The following PHAX variants were observed in gnomAD, a reference collection of about 807,000 sequenced individuals.
PHAX encodes the protein phosphorylated adaptor for RNA export, also known as phosphorylated adapter RNA export protein.
Under a neutral mutation model 41.6 loss-of-function variants are expected in PHAX, and 31 were observed. That is an observed-to-expected ratio of 0.75 (90% CI 0.56 to 1.01). The LOEUF is 1.01. PHAX is among the 50% of genes least tolerant of loss of function. The pLI is 0.00. For synonymous variants in PHAX, 175 were observed against 164.9 expected, an observed-to-expected ratio of 1.06 and a Z score of -0.47; for missense variants, 453 against 472.9, an observed-to-expected ratio of 0.96 and a Z score of 0.39.
intron 3 of PHAX, among the ~76,000 whole-genome samples, chr5:126,612,712 A>G (rs1337059870): frequency 6.6e-6 from 1 of 152,102 alleles, no homozygotes; most frequent in African/African-American, 2.4e-5. Context: ...AAAAAAGAAA[A>G]AGAAATGCAT....
At chr5:126,604,408 G>A (rs1328587480) in intron 2 of PHAX, among the ~76,000 whole-genome samples, 1 of 150,734 alleles carries the variant, frequency 6.6e-6, no homozygotes, top group Non-Finnish European at 1.5e-5. Flanking sequence ...GGGACCACAG[G>A]TATGCACCCC....
chr5:126,601,952 C>A (rs1479023870), intron 1 of PHAX, among the ~76,000 whole-genome samples: 1 of 152,174 alleles, frequency 6.6e-6, no homozygotes, highest in Non-Finnish European at 1.5e-5. Flanking sequence ...CAGGTGTGAA[C>A]CACGGCGCCC....
chr5:126,608,048 A>T (rs1465371006), intron 2 of PHAX, among the ~76,000 whole-genome samples: 1 of 152,150 alleles, frequency 6.6e-6, no homozygotes, highest in Non-Finnish European at 1.5e-5. Flanking sequence ...TTATTTTGAC[A>T]ATAGTGGACT....
intron 2 of PHAX, among the ~76,000 whole-genome samples, chr5:126,606,368 A>C (rs146133958): frequency 1.3e-5 from 2 of 151,660 alleles, no homozygotes; most frequent in African/African-American, 2.4e-5. Flanking sequence ...GCTAATTTTT[A>C]TATTTTTTAG....
intron 3 of PHAX, among the ~76,000 whole-genome samples, chr5:126,615,077 G>T (rs557438562): frequency 6.6e-6 from 1 of 151,656 alleles, no homozygotes; most frequent in Non-Finnish European, 1.5e-5. Context: ...TACACAAATG[G>T]TCATATACTA....
chr5:126,618,260 C>A (rs1361877234), intron 4 of PHAX, among the ~76,000 whole-genome samples: 1 of 151,862 alleles, frequency 6.6e-6, no homozygotes, highest in Non-Finnish European at 1.5e-5. Flanking sequence ...TTTCCTGTTC[C>A]ATGTGGAAAT....
intron 2 of PHAX, among the ~76,000 whole-genome samples, chr5:126,606,537 AGT>A (rs1275399577): frequency 6.6e-6 from 1 of 152,112 alleles, no homozygotes; most frequent in African/African-American, 2.4e-5. Flanking sequence ...ACATTTTTAT[AGT>A]GTGTGTATAT....
intron 3 of PHAX, among the ~76,000 whole-genome samples, chr5:126,615,446 C>G (rs753503456): frequency 1.3e-5 from 2 of 151,424 alleles, no homozygotes; most frequent in Non-Finnish European, 2.9e-5. Flanking sequence ...TTTCAGCTTC[C>G]ATACTATAAA....
intron 4 of PHAX, among the ~76,000 whole-genome samples, chr5:126,620,299 CCT>C (rs1312838325): frequency 2.0e-5 from 3 of 152,176 alleles, no homozygotes; most frequent in Admixed American, 2.0e-4. Flanking sequence ...AATGTTCTCT[CCT>C]CTCACCCAAA....
At chr5:126,603,008 G>GAA (rs67361490) in intron 1 of PHAX, among the ~76,000 whole-genome samples, 10 of 99,966 alleles carry the variant, frequency 1.0e-4, no homozygotes, top group African/African-American at 3.1e-4. Context: ...CCCATCTCAA[G>GAA]AAAAAAAAAA....
Position 126,603,901 on chromosome 5 carries a change from T to C in PHAX, c.428T>C (p.Ile143Thr), listed in dbSNP as rs1201730473. The C allele has an allele frequency of 9.3e-6, 15 of 1,613,934 alleles. No homozygotes were observed. Among genetic ancestry groups the C allele is most frequent in the African/African-American group, 2.7e-5 (2 of 74,864 alleles). ...GGTATCTTGGGAATGGAGGGCACTATTGACAGAAGCAGACAATCCGAGACC... is the reference window on the plus strand; with the variant it reads ...GGTATCTTGGGAATGGAGGGCACTACTGACAGAAGCAGACAATCCGAGACC... ...ELGILGMEGTIDRSRQSETYN... is the reference protein window; with the variant it reads ...ELGILGMEGTTDRSRQSETYN... The change falls in exon 2 of 5, where the codon ATT becomes ACT. Residue 143 changes from isoleucine to threonine, a missense_variant. Transcript: ENST00000297540.
chr5:126,602,239 G>T (rs559564677), intron 1 of PHAX, among the ~76,000 whole-genome samples: 4 of 152,386 alleles, frequency 2.6e-5, no homozygotes, highest in African/African-American at 9.6e-5. Flanking sequence ...GAGCCACCGC[G>T]CCCGGCCCAG....
rs1751946774 is a variant in PHAX at position 126,603,969 on chromosome 5, G to C, written c.496G>C (p.Glu166Gln). Residue 166 changes from glutamate (E) to glutamine (Q), a missense_variant, in exon 2 of 5, where the codon GAG (glutamate) becomes CAG (glutamine). Transcript: ENST00000297540. ...LAKKLRKESQ[E>Q]HTKDLDKELD... ...CAAGAAACTTAGGAAGGAATCTCAA[G>C]AGCATACAAAAGATCTAGACAAGGA... The C allele has an allele frequency of 6.2e-7, 1 of 1,614,000 alleles. No individual in the cohort carries two copies. The highest frequency in any genetic ancestry group is 1.3e-5 in the African/African-American group (1 of 74,998).
At position 126,606,460 on chromosome 5, in the gene PHAX, G is replaced by T. The variant is rs372184222; in HGVS notation, c.711-1904G>T. Reference sequence around the variant, plus strand: ...GCCTCCCAAAGTGGTGGGATTAGAGGCGTAAGCCACTGTGCCCAGCCAATG... The same window carrying T: ...GCCTCCCAAAGTGGTGGGATTAGAGTCGTAAGCCACTGTGCCCAGCCAATG... On this transcript the variant is annotated intron_variant, in intron 2 of 4. Transcript: ENST00000297540. Among the ~76,000 whole-genome samples the T allele has an allele frequency of 1.2e-4, 18 of 152,266 alleles. No homozygotes were observed. The East Asian group carries it at 1.9e-3, about 16-fold the overall frequency.
intron 3 of PHAX, among the ~76,000 whole-genome samples, chr5:126,615,301 T>C (rs1300225073): frequency 6.6e-6 from 1 of 152,142 alleles, no homozygotes; most frequent in Non-Finnish European, 1.5e-5. Context: ...GCCTACCTGG[T>C]AAAAGTTATT....
chr5:126,613,070 C>T (rs1346007017), intron 3 of PHAX, among the ~76,000 whole-genome samples: 1 of 152,126 alleles, frequency 6.6e-6, no homozygotes, highest in Non-Finnish European at 1.5e-5. Context: ...ACCAATTGGC[C>T]AGGCGCAGTG....
Position 126,601,050 on chromosome 5 carries a change from C to G in PHAX, c.88C>G (p.Gln30Glu), listed in dbSNP as rs1464223977. The G allele has an allele frequency of 6.2e-7, 1 of 1,605,080 alleles. No individual in the cohort carries two copies. Among genetic ancestry groups the G allele is most frequent in the Non-Finnish European group, 8.5e-7 (1 of 1,175,460 alleles). Residue 30 changes from glutamine to glutamate, a missense_variant, in exon 1 of 5, where the codon CAA becomes GAA. By Grantham distance (29) the Gln-to-Glu change is conservative (BLOSUM62 2). Transcript: ENST00000297540. The part of the protein sequence containing the change: ...MTVAPSDRPL[Q>E]LPKVLGGDSA... ...GGTCGCACCCAGCGACAGGCCGCTGCAATTGCCAGTGAGTGTGAAAGGAGG... is the reference window on the plus strand; with the variant it reads ...GGTCGCACCCAGCGACAGGCCGCTGGAATTGCCAGTGAGTGTGAAAGGAGG...
At chr5:126,615,507 G>GC (rs1349594754) in intron 3 of PHAX, among the ~76,000 whole-genome samples, 3 of 116,110 alleles carry the variant, frequency 2.6e-5, no homozygotes, top group Admixed American at 8.6e-5. Context: ...CACATTCTGT[G>GC]CTTTTTTTTT....
chr5:126,606,227 A>C lies in PHAX; in HGVS notation c.710+2044A>C, dbSNP rs1413061178. 5.3e-5 allele frequency among the ~76,000 whole-genome samples: 8 copies of C among 151,506 alleles called. No individual in the cohort carries two copies. In the East Asian group the frequency reaches 1.5e-3, roughly 29 times the overall value. On this transcript the variant is annotated intron_variant, in intron 2 of 4. Coordinates refer to ENST00000297540, the MANE Select transcript of PHAX (RefSeq NM_032177.4). ...GTTTGTTTGTTTGAGACAGAGTGTC[A>C]CTCTGTTGCCCAGGCTGGAGTGCAG...
Sources: allele counts gnomAD v4.1 joint callset (sites outside exome capture counted in the v4.1 genomes callset), GRCh38; gene constraint gnomAD v4.1.1; transcripts MANE v1.5; gene names NCBI Gene and HGNC (gene_info 2026-07-23, HGNC 2026-07-21).